Variants in USP25 observed in about 807,000 individuals in gnomAD.
USP25 encodes ubiquitin carboxyl-terminal hydrolase 25.
In USP25, 85 loss-of-function variants were observed where a neutral mutation model predicts 158.5. The observed-to-expected ratio is 0.54, with a 90% CI of 0.45 to 0.64. The LOEUF is 0.64. USP25 is among the 30% of genes least tolerant of loss of function. USP25 has a pLI of 0.00. For synonymous variants in USP25, 464 were observed against 460.4 expected, an observed-to-expected ratio of 1.01 and a Z score of -0.10; for missense variants, 1,242 against 1,327.3, an observed-to-expected ratio of 0.94 and a Z score of 1.00.
At chr21:15,765,071 A>G (rs1327044203) in intron 2 of USP25, among the ~76,000 whole-genome samples, 1 of 152,206 alleles carries the variant, frequency 6.6e-6, no homozygotes, top group East Asian at 1.9e-4. Flanking sequence ...AAGTCATACT[A>G]TGTCATTCCT....
In USP25 at chr21:15,878,453, G is replaced by A. The variant is rs549945211; in HGVS notation, c.3356G>A (p.Arg1119Gln). 11 of 1,613,868 alleles carry A rather than the reference G, an allele frequency of 6.8e-6. No homozygotes were observed. The highest frequency in any genetic ancestry group is 2.2e-5 in the South Asian group (2 of 91,056). The change falls in exon 26 of 26, where the codon CGA (arginine) becomes CAA (glutamine). Residue 1119 changes from arginine (R) to glutamine (Q), a missense_variant. Coordinates refer to ENST00000400183, the MANE Select transcript of USP25 (RefSeq NM_001283041.3). ...GCCCGAATCATGTTGTCCCTCAGTC[G>A]AACTCCTGCTGATGGAAGATAAACT... is the stretch of plus-strand genomic sequence containing the variant. Reference protein sequence around the residue: ...RFARIMLSLSRTPADGR With the variant: ...RFARIMLSLSQTPADGR
At chr21:15,864,578 T>G in intron 21 of USP25, 132 bp downstream of exon 21, 1 of 832,668 alleles carries the variant, frequency 1.2e-6, no homozygotes, top group Non-Finnish European at 1.7e-6. Flanking sequence ...GTAACAAAAT[T>G]TGAACTCAAT....
At chr21:15,811,083 C>T in intron 8 of USP25, 54 bp from the exon 9 acceptor site, 2 of 1,461,348 alleles carry the variant, frequency 1.4e-6, no homozygotes, top group South Asian at 1.2e-5. Flanking sequence ...AATATTTTCT[C>T]TATTTATAGG....
At chr21:15,750,081 C>T (rs1470893004) in intron 1 of USP25, among the ~76,000 whole-genome samples, 1 of 151,964 alleles carries the variant, frequency 6.6e-6, no homozygotes. Flanking sequence ...AACTTTCAAC[C>T]CCAGTCCAGC....
intron 20 of USP25, among the ~76,000 whole-genome samples, chr21:15,853,278 CAT>C (rs2038972219): frequency 6.6e-6 from 1 of 152,178 alleles, no homozygotes; most frequent in East Asian, 1.9e-4. Context: ...TGTATACACA[CAT>C]ACACATGTGT....
At chr21:15,814,985 C>T (rs2036862249) in intron 9 of USP25, among the ~76,000 whole-genome samples, 1 of 152,098 alleles carries the variant, frequency 6.6e-6, no homozygotes, top group Non-Finnish European at 1.5e-5. Context: ...CCAGAGAAGC[C>T]TAGGAGGAAA....
In USP25 at chr21:15,878,006, T is replaced by C. The variant is rs753938792; in HGVS notation, c.3205+15T>C. ...AGAAATGGAACGTAAGTTTAAACAA[T>C]GGTAGTAGGCACCTGAGATGTCCGG... is the stretch of plus-strand genomic sequence containing the variant. On this transcript the variant is annotated intron_variant, in intron 25 of 25. Coordinates refer to ENST00000400183, the MANE Select transcript of USP25 (RefSeq NM_001283041.3). 2.5e-6 allele frequency: 4 copies of C among 1,597,354 alleles called. No individual in the cohort carries two copies. In the East Asian group the frequency reaches 9.0e-5, roughly 36 times the overall value.
intron 22 of USP25, among the ~76,000 whole-genome samples, chr21:15,869,461 A>G (rs979057146): frequency 7.9e-5 from 12 of 152,124 alleles, no homozygotes; most frequent in African/African-American, 2.9e-4. Flanking sequence ...TCACCTTAGA[A>G]TTATTTAGTC....
intron 3 of USP25, among the ~76,000 whole-genome samples, chr21:15,771,614 T>C (rs771824816): frequency 7.2e-5 from 11 of 152,172 alleles, no homozygotes; most frequent in Admixed American, 1.3e-4. Context: ...CACATCCTGA[T>C]GTTCATATTT....
intron 14 of USP25, among the ~76,000 whole-genome samples, chr21:15,827,728 G>A (rs906757152): frequency 6.6e-6 from 1 of 151,262 alleles, no homozygotes; most frequent in Non-Finnish European, 1.5e-5. Context: ...AATAAGGACA[G>A]TGCTCTGGGT....
rs1375391685 is a variant in USP25, at chr21:15,830,548, T to G, written c.1711T>G (p.Ser571Ala). The change falls in exon 15 of 26, where the codon TCC becomes GCC. Residue 571 changes from serine to alanine, a missense_variant. By Grantham distance (99) the Ser-to-Ala change is moderately conservative. This residue lies in a region of USP25 where 627 missense variants were observed against 701.4 expected (regional missense o/e 0.89). Transcript: ENST00000400183. The stretch of plus-strand genomic sequence containing the variant: ...ATCCTTAGATTTGCAGGAAAGCATA[T>G]CCAGAATCCATCGAACAATTGAATT... ...NDTRDLQESI[S>A]RIHRTIELMY... 6.2e-7 allele frequency: 1 copy of G among 1,605,458 alleles called. No homozygotes were observed. The highest frequency in any genetic ancestry group is 2.2e-5 in the East Asian group (1 of 44,492).
chr21:15,867,355 G>A (rs1277867664), intron 22 of USP25, among the ~76,000 whole-genome samples: 1 of 151,714 alleles, frequency 6.6e-6, no homozygotes, highest in African/African-American at 2.4e-5. Context: ...ACACAAACAG[G>A]GAAGAGGAAA....
rs1001194627 is a variant in USP25 at position 15,864,484 on chromosome 21, TC to T, written c.2726+39del. On this transcript the variant is annotated intron_variant, in intron 21 of 25. Coordinates refer to ENST00000400183, the MANE Select transcript of USP25 (RefSeq NM_001283041.3). ...TATAAAATTCATATGCTCAAATCGT[TC>T]TTTTTTTTTTTCCTGCAGATTCCCA... The T allele has an allele frequency of 1.1e-5, 17 of 1,521,342 alleles. No homozygotes were observed. The African/African-American group carries it at 2.2e-4, about 20-fold the overall frequency. 94.2% of individuals were successfully genotyped at this position (1,521,342 alleles called of 1,614,324 possible).
intron 14 of USP25, among the ~76,000 whole-genome samples, chr21:15,828,544 G>C (rs1213932538): frequency 7.2e-5 from 11 of 152,222 alleles, no homozygotes; most frequent in Admixed American, 6.5e-4. Flanking sequence ...TAACCAAATA[G>C]AATGTATTTT....
chr21:15,817,102 A>G (rs761573137), intron 9 of USP25, among the ~76,000 whole-genome samples: 1 of 152,056 alleles, frequency 6.6e-6, no homozygotes, highest in Non-Finnish European at 1.5e-5. Context: ...ACTGAGCTCC[A>G]GACTGGGTGA....
chr21:15,785,506 C>A (rs1259097141), intron 4 of USP25, among the ~76,000 whole-genome samples: 1 of 152,072 alleles, frequency 6.6e-6, no homozygotes, highest in Non-Finnish European at 1.5e-5. Flanking sequence ...AGCTAGAAAT[C>A]AACAACAAGA....
At chr21:15,813,549 C>G (rs1372852645) in intron 9 of USP25, among the ~76,000 whole-genome samples, 1 of 152,148 alleles carries the variant, frequency 6.6e-6, no homozygotes, top group Non-Finnish European at 1.5e-5. Context: ...TATACGTGCT[C>G]AGAATTCCCT....
rs867981625 is a variant in USP25, at chr21:15,780,902, A to G, written c.392+2875A>G. Among the ~76,000 whole-genome samples, 13 of 152,334 alleles carry G rather than the reference A, an allele frequency of 8.5e-5. No homozygotes were observed. The South Asian group carries it at 2.1e-3, about 24-fold the overall frequency. ...TCTTTGAGGAGGATTTCGGTGCTCA[A>G]TAATTCCAGATACTTGTGGATGCTA... On this transcript the variant is annotated intron_variant, in intron 4 of 25. Transcript: ENST00000400183.
At chr21:15,866,235 A>G (rs763283039) in intron 21 of USP25, 31 bp from the exon 22 acceptor site, 25 of 1,514,442 alleles carry the variant, frequency 1.7e-5, no homozygotes, top group Non-Finnish European at 2.0e-5. Context: ...ACACATACAC[A>G]CACGCTCATA....
Sources: allele counts gnomAD v4.1 joint callset (sites outside exome capture counted in the v4.1 genomes callset), GRCh38; gene constraint gnomAD v4.1.1; regional missense constraint gnomAD v4.1.1; transcripts MANE v1.5; gene names NCBI Gene and HGNC (gene_info 2026-07-23, HGNC 2026-07-21).